SHROOM3: variants seen among roughly 807,000 people sequenced by gnomAD.
SHROOM3 encodes shroom family member 3, also known as protein Shroom3.
A neutral mutation model predicts 138.6 loss-of-function variants in SHROOM3; 47 were observed. The observed-to-expected ratio is 0.34, with a 90% CI of 0.27 to 0.43. SHROOM3 has a LOEUF of 0.43. Ranked by LOEUF, SHROOM3 falls within the 20% of genes least tolerant of loss-of-function variation. The pLI, the probability that SHROOM3 is intolerant of heterozygous loss-of-function variation, is 1.00. For missense variants in SHROOM3, 2,491 were observed against 2,596.5 expected, an observed-to-expected ratio of 0.96 and a Z score of 0.88; for synonymous variants, 1,062 against 1,063.3, an observed-to-expected ratio of 1.00 and a Z score of 0.02.
chr4:76,441,086 G>GTTATTTTTTTTTT (rs1730660298), intron 1 of SHROOM3, among the ~76,000 whole-genome samples: 1 of 82,182 alleles, frequency 1.2e-5, no homozygotes, highest in Non-Finnish European at 2.2e-5. Context: ...AGTTCAATTT[G>GTTATTTTTTTTTT]TTTTTTTTTT....
chr4:76,716,110 C>G (rs892412863), intron 3 of SHROOM3: 3 of 280,268 alleles, frequency 1.1e-5, no homozygotes, highest in African/African-American at 6.6e-5. Context: ...CAGCTCTTCT[C>G]AGGGAGTCAT....
chr4:76,455,764 T>A (rs1731014816), intron 1 of SHROOM3, among the ~76,000 whole-genome samples: 1 of 152,174 alleles, frequency 6.6e-6, no homozygotes, highest in Non-Finnish European at 1.5e-5. Context: ...ATTCACTCAA[T>A]GTAGTAATTT....
chr4:76,584,289 G>A (rs1734106796), intron 2 of SHROOM3, among the ~76,000 whole-genome samples: 1 of 151,710 alleles, frequency 6.6e-6, no homozygotes, highest in Non-Finnish European at 1.5e-5. Flanking sequence ...CTGCACTCCA[G>A]CCTGGCGACA....
At chr4:76,527,178 G>C (rs1732708962) in intron 1 of SHROOM3, among the ~76,000 whole-genome samples, 2 of 152,190 alleles carry the variant, frequency 1.3e-5, no homozygotes, top group Non-Finnish European at 2.9e-5. Context: ...CCACAGGTTG[G>C]AGGGAAGATA....
chr4:76,586,434 G>C, intron 2 of SHROOM3: 1 of 985,494 alleles, frequency 1.0e-6, no homozygotes, highest in Middle Eastern at 5.2e-4. Flanking sequence ...AGATAACTGA[G>C]GACAATGGAC....
At chr4:76,580,706 G>A (rs1275452758) in intron 2 of SHROOM3, among the ~76,000 whole-genome samples, 8 of 152,100 alleles carry the variant, frequency 5.3e-5, no homozygotes, top group Non-Finnish European at 8.8e-5. Flanking sequence ...GATTACAGGC[G>A]TGAGCCACTG....
At chr4:76,673,369 T>C (rs1718941576) in intron 2 of SHROOM3, among the ~76,000 whole-genome samples, 1 of 152,178 alleles carries the variant, frequency 6.6e-6, no homozygotes, top group Non-Finnish European at 1.5e-5. Flanking sequence ...ATTTTAAAAA[T>C]AATCTTATTG....
intron 2 of SHROOM3, chr4:76,688,427 G>A: frequency 1.0e-6 from 1 of 985,262 alleles, no homozygotes; most frequent in South Asian, 4.7e-5. Context: ...ACCTAGTGAG[G>A]TCTTCTCTGT....
chr4:76,711,657 C>A (rs539305108), intron 3 of SHROOM3, among the ~76,000 whole-genome samples: 1 of 152,134 alleles, frequency 6.6e-6, no homozygotes, highest in Non-Finnish European at 1.5e-5. Context: ...TGAGTCACTG[C>A]GCTCTAGCCT....
chr4:76,553,566 G>A (rs900077691), intron 1 of SHROOM3, among the ~76,000 whole-genome samples: 32 of 152,118 alleles, frequency 2.1e-4, no homozygotes, highest in African/African-American at 7.2e-4. Flanking sequence ...ATGAGACACC[G>A]CACGAGGCCC....
chr4:76,586,112 C>T, intron 2 of SHROOM3: 1 of 370,984 alleles, frequency 2.7e-6, no homozygotes, highest in Non-Finnish European at 3.7e-6. Context: ...AACCGGTTCT[C>T]AGGTTCTGGC....
At chr4:76,758,228 T>C (rs1156643834) in intron 8 of SHROOM3, 2 of 152,210 alleles carry the variant, frequency 1.3e-5, no homozygotes, top group Non-Finnish European at 2.9e-5. Flanking sequence ...GGCAATCCAC[T>C]GGGTACTATG....
chr4:76,607,381 T>C (rs1221874074), intron 2 of SHROOM3, among the ~76,000 whole-genome samples: 1 of 152,218 alleles, frequency 6.6e-6, no homozygotes, highest in African/African-American at 2.4e-5. Context: ...GAGCATTGCA[T>C]CTTCTCTTAA....
intron 1 of SHROOM3, among the ~76,000 whole-genome samples, chr4:76,514,272 G>A (rs1732400030): frequency 6.6e-6 from 1 of 152,108 alleles, no homozygotes; most frequent in Non-Finnish European, 1.5e-5. Flanking sequence ...AACTGATGGT[G>A]AATACATTAA....
At chr4:76,661,375 G>A (rs1577958627) in intron 2 of SHROOM3, among the ~76,000 whole-genome samples, 2 of 152,084 alleles carry the variant, frequency 1.3e-5, no homozygotes, top group African/African-American at 2.4e-5. Flanking sequence ...GAATACAAGC[G>A]CCCGCCACCA....
At chr4:76,770,992 A>G in intron 10 of SHROOM3, 94 bp downstream of exon 10, 1 of 1,500,044 alleles carries the variant, frequency 6.7e-7, no homozygotes, top group Non-Finnish European at 9.3e-7. Flanking sequence ...TCTCAGGAAG[A>G]TTTGTGGCAA....
intron 1 of SHROOM3, among the ~76,000 whole-genome samples, chr4:76,480,194 A>C (rs969838475): frequency 6.6e-6 from 1 of 152,222 alleles, no homozygotes; most frequent in Non-Finnish European, 1.5e-5. Flanking sequence ...CAGACTGGCA[A>C]ATTGGATAAA....
intron 2 of SHROOM3, among the ~76,000 whole-genome samples, chr4:76,689,128 C>T (rs1719421680): frequency 6.6e-6 from 1 of 152,026 alleles, no homozygotes; most frequent in South Asian, 2.1e-4. Flanking sequence ...TTAATTAAGG[C>T]ACCTTTCTGA....
chr4:76,677,028 A>T (rs1203643392), intron 2 of SHROOM3, among the ~76,000 whole-genome samples: 1 of 152,158 alleles, frequency 6.6e-6, no homozygotes, highest in Non-Finnish European at 1.5e-5. Flanking sequence ...GAAATCAGGC[A>T]AAGTTATGTG....
Sources: gnomAD v4.1 joint callset for allele counts (sites outside exome capture counted in the v4.1 genomes callset) on GRCh38, gnomAD v4.1.1 for gene constraint, MANE v1.5 for transcripts, NCBI Gene and HGNC (gene_info 2026-07-23, HGNC 2026-07-21) for gene names.